The following PROCR variants were observed in gnomAD, a reference collection of about 807,000 sequenced individuals.
The protein encoded by PROCR is endothelial protein C receptor.
In PROCR, 22 loss-of-function variants were observed where a neutral mutation model predicts 24.2. The ratio of observed to expected loss-of-function variants is 0.91; its 90% CI spans 0.65 to 1.30. PROCR has a LOEUF of 1.30. Ranked by LOEUF, PROCR falls within the 50% of genes most tolerant of loss-of-function variation. The pLI, the probability that PROCR is intolerant of heterozygous loss-of-function variation, is 0.00. For synonymous variants in PROCR, 137 were observed against 139.2 expected (o/e 0.98, Z 0.11); for missense variants, 288 against 307.7 (o/e 0.94, Z 0.48).
upstream of PROCR, among the ~76,000 whole-genome samples, chr20:35,171,394 C>T (rs1318220541): frequency 6.6e-6 from 1 of 152,124 alleles, no homozygotes; most frequent in Non-Finnish European, 1.5e-5. Flanking sequence ...AAAATGGTAA[C>T]CATGACCTGC....
At chr20:35,200,902 C>A (rs537122470) in intron 1 of PROCR, among the ~76,000 whole-genome samples, 7 of 152,286 alleles carry the variant, frequency 4.6e-5, no homozygotes, top group African/African-American at 1.7e-4. Context: ...CCTGCCTCGG[C>A]CTCACAAATT....
chr20:35,174,604 G>A (rs918118376), intron 1 of PROCR, 98 bp from the exon 2 acceptor site: 276 of 1,495,172 alleles, frequency 1.8e-4, no homozygotes, highest in Non-Finnish European at 2.4e-4. Context: ...GAAGGGTCGA[G>A]AAGGCGGGCG....
chr20:35,180,612 C>T (rs1365572622), downstream of PROCR, among the ~76,000 whole-genome samples: 1 of 151,574 alleles, frequency 6.6e-6, no homozygotes, highest in South Asian at 2.1e-4. Flanking sequence ...CTTCTTCCCC[C>T]TGGTAAGCAT....
At position 35,176,091 on chromosome 20, in the gene PROCR, T is replaced by G. The variant is rs1005728292; in HGVS notation, c.323-77T>G. On this transcript the variant is annotated intron_variant, in intron 2 of 3. Coordinates refer to ENST00000216968, the MANE Select transcript of PROCR (RefSeq NM_006404.5). ...CACTGACTCTTGCCTTCTCATGTTC[T>G]TTTCCCCTTGGTGGGCCTCGCCCCA... The G allele has an allele frequency of 5.3e-6, 8 of 1,499,986 alleles. No individual in the cohort carries two copies. The African/African-American group carries it at 1.1e-4, about 21-fold the overall frequency. 92.9% of individuals were successfully genotyped at this position (1,499,986 alleles called of 1,614,324 possible). A position where few individuals can be genotyped will look rare whatever the true frequency, so the allele number is the denominator to read the frequency against.
chr20:35,175,578 C>CCCTT (rs2086005872), intron 2 of PROCR, among the ~76,000 whole-genome samples: 1 of 27,944 alleles, frequency 3.6e-5, no homozygotes, highest in Non-Finnish European at 5.7e-5. Context: ...CCCCACCCCC[C>CCCTT]TTTTTTTTTT....
At chr20:35,188,854 C>T (rs1008074253) in intron 1 of PROCR, among the ~76,000 whole-genome samples, 1 of 152,098 alleles carries the variant, frequency 6.6e-6, no homozygotes, top group Non-Finnish European at 1.5e-5. Flanking sequence ...CTGCTGAAGC[C>T]GTGACAGAAG....
At chr20:35,215,998 G>C (rs1392199049) in exon 2 of PROCR, 3 of 369,808 alleles carry the variant, frequency 8.1e-6, no homozygotes, top group Non-Finnish European at 1.1e-5. Context: ...GGGAGTTCGA[G>C]ACCAGCATGA....
intron 1 of PROCR, among the ~76,000 whole-genome samples, chr20:35,190,891 C>T (rs748603948): frequency 1.3e-5 from 2 of 152,234 alleles, no homozygotes; most frequent in Middle Eastern, 3.4e-3. Context: ...GACAGAGTCT[C>T]GCTCCGTCGC....
chr20:35,201,936 G>C (rs2060319639), intron 1 of PROCR: 1 of 151,928 alleles, frequency 6.6e-6, no homozygotes. Context: ...AACTAAAAGA[G>C]ATATGGAAAA....
chr20:35,178,507 G>GTTTTTTTTTTTT (rs1203789471), downstream of PROCR, among the ~76,000 whole-genome samples: 30 of 34,370 alleles, frequency 8.7e-4, 7 homozygotes, highest in African/African-American at 4.9e-3. Flanking sequence ...TCAAGTCTCA[G>GTTTTTTTTTTTT]TTTTTTTTTT....
chr20:35,209,284 C>A (rs1003322263), intron 1 of PROCR, among the ~76,000 whole-genome samples: 2 of 152,104 alleles, frequency 1.3e-5, no homozygotes, highest in African/African-American at 4.8e-5. Context: ...CTGGCATGAA[C>A]AACTGGGCAG....
chr20:35,172,062 G>T, upstream of PROCR: 1 of 1,200,870 alleles, frequency 8.3e-7, no homozygotes, highest in Non-Finnish European at 1.2e-6. Context: ...GCCCCTCCCA[G>T]ACGGTCCTCA....
intron 1 of PROCR, among the ~76,000 whole-genome samples, chr20:35,213,369 G>A (rs1040375230): frequency 6.6e-6 from 1 of 151,770 alleles, no homozygotes; most frequent in Non-Finnish European, 1.5e-5. Flanking sequence ...CTGTTTGCAT[G>A]AAGCCCATTT....
At chr20:35,203,761 T>A (rs1211015021) in intron 1 of PROCR, among the ~76,000 whole-genome samples, 1 of 151,810 alleles carries the variant, frequency 6.6e-6, no homozygotes, top group African/African-American at 2.4e-5. Context: ...AAACAAAACA[T>A]ATCAAAATTT....
Position 35,176,995 on chromosome 20 carries a change from C to A in PROCR, c.*182C>A. 6.9e-7 allele frequency: 1 copy of A among 1,452,518 alleles called. No individual in the cohort carries two copies. The highest frequency in any genetic ancestry group is 9.1e-7 in the Non-Finnish European group (1 of 1,102,710). The allele number at this position is 1,452,518 out of a possible 1,614,324, so 90.0% of individuals were successfully genotyped here. Reference sequence around the variant, plus strand: ...AGGGGAGATGGAGAGGAGAGGTGGACAAAGTACTTGGTTTGCTAAGAACCT... The same window carrying A: ...AGGGGAGATGGAGAGGAGAGGTGGAAAAAGTACTTGGTTTGCTAAGAACCT... On this transcript the variant is annotated 3_prime_UTR_variant, in exon 4 of 4. Coordinates refer to ENST00000216968, the MANE Select transcript of PROCR (RefSeq NM_006404.5).
rs71333786 is a variant in PROCR at position 35,182,973 on chromosome 20, C to CA, written c.94+6553dup. On this transcript the variant is annotated intron_variant, in intron 1 of 1. Coordinates refer to the PROCR transcript ENST00000634509. ...TGGGCGACAGAGCGAGACTCCGTCT[C>CA]AAAAAAAAAAAAAAAAAAAAAAAAA... Among the ~76,000 whole-genome samples, 763 of 110,578 alleles carry CA rather than the reference C, an allele frequency of 6.9e-3. 11 individuals carry two copies. Among genetic ancestry groups the CA allele is most frequent in the Non-Finnish European group, 0.01 (525 of 51,526 alleles). 72.5% of individuals were successfully genotyped at this position (110,578 alleles called of 152,430 possible).
intron 1 of PROCR, among the ~76,000 whole-genome samples, chr20:35,172,854 C>T (rs374133894): frequency 2.5e-4 from 38 of 152,234 alleles, no homozygotes; most frequent in South Asian, 1.5e-3. Context: ...TCACAATCCC[C>T]GTAACTTCAG....
At chr20:35,181,243 A>G (rs1033025271), downstream of PROCR, among the ~76,000 whole-genome samples, 3 of 149,738 alleles carry the variant, frequency 2.0e-5, no homozygotes, top group Admixed American at 6.7e-5. Context: ...ATGTGGCCCC[A>G]ACCTAATTTT....
chr20:35,187,004 C>A (rs958833006), intron 1 of PROCR, among the ~76,000 whole-genome samples: 5 of 151,922 alleles, frequency 3.3e-5, no homozygotes, highest in African/African-American at 1.2e-4. Context: ...CAGTGGCCTG[C>A]AAAACATGTT....
Sources: gnomAD v4.1 joint callset for allele counts (sites outside exome capture counted in the v4.1 genomes callset) on GRCh38, gnomAD v4.1.1 for gene constraint, MANE v1.5 for transcripts, NCBI Gene and HGNC (gene_info 2026-07-23, HGNC 2026-07-21) for gene names.